Variants in PPP2R2D observed in about 807,000 individuals in gnomAD.
PPP2R2D encodes the protein serine/threonine-protein phosphatase 2A 55 kDa regulatory subunit B delta isoform.
In PPP2R2D, 9 loss-of-function variants were observed where a neutral mutation model predicts 31.1. That is an observed-to-expected ratio of 0.29 (90% CI 0.17 to 0.51). The LOEUF is 0.51. PPP2R2D is among the 20% of genes least tolerant of loss of function. The pLI is 0.98. For synonymous variants in PPP2R2D, 179 were observed against 172.6 expected (o/e 1.04, Z -0.29); for missense variants, 391 against 465.6 (o/e 0.84, Z 1.48).
At chr10:131,943,381 T>C (rs2119877679) in intron 5 of PPP2R2D, among the ~76,000 whole-genome samples, 1 of 152,254 alleles carries the variant, frequency 6.6e-6, no homozygotes, top group South Asian at 2.1e-4. Context: ...ACATCTGCCC[T>C]ATAAGTGACC....
intron 2 of PPP2R2D, among the ~76,000 whole-genome samples, chr10:131,927,669 C>G (rs561671039): frequency 7.9e-5 from 12 of 152,306 alleles, no homozygotes; most frequent in Non-Finnish European, 1.8e-4. Flanking sequence ...GCTCCTACCC[C>G]AGCTGGCATC....
the PPP2R2D span, among the ~76,000 whole-genome samples, chr10:131,965,042 A>G: frequency 9.8e-5 from 15 of 152,296 alleles, no homozygotes; most frequent in Middle Eastern, 3.4e-3. Flanking sequence ...CACATAAAGT[A>G]TACTATATAT....
intron 2 of PPP2R2D, among the ~76,000 whole-genome samples, chr10:131,930,453 C>T (rs2036201214): frequency 6.6e-6 from 1 of 152,266 alleles, no homozygotes; most frequent in African/African-American, 2.4e-5. Flanking sequence ...CCTCTCGCAG[C>T]AGTTTCCTGA....
At chr10:131,946,252 G>A (rs1163385117) in intron 7 of PPP2R2D, among the ~76,000 whole-genome samples, 1 of 152,202 alleles carries the variant, frequency 6.6e-6, no homozygotes, top group Non-Finnish European at 1.5e-5. Flanking sequence ...TTCTGGTTTT[G>A]TTTTTATTTT....
At position 131,956,130 on chromosome 10, in the gene PPP2R2D, G is replaced by A. The variant is rs1173542137; in HGVS notation, c.*167G>A. On this transcript the variant is annotated 3_prime_UTR_variant, in exon 9 of 9. Transcript: ENST00000455566. ...TCCGCTGGAGGCCCGGTGTGGTTCCGCCTCGGCGAGGCGCGAGACAGGCGC... is the reference window on the plus strand; with the variant it reads ...TCCGCTGGAGGCCCGGTGTGGTTCCACCTCGGCGAGGCGCGAGACAGGCGC... 4 of 1,252,486 alleles carry A rather than the reference G, an allele frequency of 3.2e-6. No individual in the cohort carries two copies. The highest frequency in any genetic ancestry group is 1.5e-5 in the African/African-American group (1 of 65,070). The allele number at this position is 1,252,486 out of a possible 1,614,324, so 77.6% of individuals were successfully genotyped here.
intron 2 of PPP2R2D, among the ~76,000 whole-genome samples, chr10:131,932,162 C>T (rs371684955): frequency 6.6e-6 from 1 of 152,174 alleles, no homozygotes; most frequent in African/African-American, 2.4e-5. Flanking sequence ...TGATGGGACC[C>T]GGATGTTGAA....
chr10:131,922,741 C>T (rs12762699), intron 2 of PPP2R2D, among the ~76,000 whole-genome samples: 36,199 of 151,886 alleles, frequency 0.24, 4,363 homozygotes, highest in South Asian at 0.28. Flanking sequence ...CTACTGCGCC[C>T]GGCCATTATC....
At chr10:131,931,132 C>T (rs1203147632) in intron 2 of PPP2R2D, among the ~76,000 whole-genome samples, 1 of 152,214 alleles carries the variant, frequency 6.6e-6, no homozygotes, top group African/African-American at 2.4e-5. Context: ...CTCTCCCCTC[C>T]ATCAGGCGGG....
At chr10:131,965,524 A>G in the PPP2R2D span, among the ~76,000 whole-genome samples, 2 of 152,144 alleles carry the variant, frequency 1.3e-5, no homozygotes, top group African/African-American at 4.8e-5. Context: ...ATTTTGGCTC[A>G]CTGCAACCTC....
chr10:131,942,464 A>C (rs1298346456), intron 5 of PPP2R2D, among the ~76,000 whole-genome samples: 1 of 152,252 alleles, frequency 6.6e-6, no homozygotes, highest in Non-Finnish European at 1.5e-5. Flanking sequence ...AACAGTTCAG[A>C]GTGGGCTATT....
the PPP2R2D span, chr10:131,971,296 C>A: frequency 3.0e-6 from 1 of 337,578 alleles, no homozygotes; most frequent in Non-Finnish European, 5.6e-6. Context: ...AGTCACGTGA[C>A]ATGAGGGCAA....
intron 2 of PPP2R2D, among the ~76,000 whole-genome samples, chr10:131,924,819 C>CTT (rs2036070965): frequency 7.2e-6 from 1 of 139,308 alleles, no homozygotes; most frequent in Non-Finnish European, 1.6e-5. Flanking sequence ...ATATTCAGGT[C>CTT]TTTAATTTTT....
the PPP2R2D span, chr10:131,971,149 C>T: frequency 1.6e-6 from 1 of 614,906 alleles, no homozygotes. Context: ...CCGGGCCGCG[C>T]CGCACTCCCG....
downstream of PPP2R2D, among the ~76,000 whole-genome samples, chr10:131,964,404 G>A (rs889156918): frequency 2.6e-5 from 4 of 151,358 alleles, no homozygotes; most frequent in East Asian, 5.9e-4. Flanking sequence ...GCACACAGCT[G>A]TTGGAGGATC....
chr10:131,931,967 A>G (rs1017692857), intron 2 of PPP2R2D, among the ~76,000 whole-genome samples: 10 of 150,270 alleles, frequency 6.7e-5, no homozygotes, highest in African/African-American at 2.5e-4. Flanking sequence ...GACTTTCTGC[A>G]TCTCTGTGCC....
intron 6 of PPP2R2D, among the ~76,000 whole-genome samples, chr10:131,944,388 G>A (rs1234616373): frequency 6.6e-6 from 1 of 151,814 alleles, no homozygotes; most frequent in Non-Finnish European, 1.5e-5. Flanking sequence ...CTGCCTGCCT[G>A]GTTTAATCAG....
At chr10:131,963,519 G>A (rs1225345740), downstream of PPP2R2D, among the ~76,000 whole-genome samples, 3 of 152,196 alleles carry the variant, frequency 2.0e-5, no homozygotes, top group East Asian at 1.9e-4. Context: ...TGTGCATGCC[G>A]TGGGGCGCCT....
In PPP2R2D at chr10:131,945,039, T is replaced by C. The variant is rs887896629; in HGVS notation, c.656-256T>C. Among the ~76,000 whole-genome samples, 5 of 152,166 alleles carry C rather than the reference T, an allele frequency of 3.3e-5. No homozygotes were observed. Among genetic ancestry groups the C allele is most frequent in the African/African-American group, 1.2e-4 (5 of 41,424 alleles). On this transcript the variant is annotated intron_variant, in intron 6 of 8. Transcript: ENST00000455566. The surrounding 1 kb of genome is among the most constrained non-coding windows in gnomAD (Gnocchi z 4.8). ...AGGGCTTTCTGTATAACATTAATAATAGCAGCAAGATGAAAGCGGTGTTCG... is the reference window on the plus strand; with the variant it reads ...AGGGCTTTCTGTATAACATTAATAACAGCAGCAAGATGAAAGCGGTGTTCG...
At chr10:131,942,238 C>T (rs1402466909) in intron 5 of PPP2R2D, among the ~76,000 whole-genome samples, 1 of 152,188 alleles carries the variant, frequency 6.6e-6, no homozygotes, top group Non-Finnish European at 1.5e-5. Context: ...CTCACGTGCT[C>T]ATTTTGGGAG....
Sources: allele counts gnomAD v4.1 joint callset (sites outside exome capture counted in the v4.1 genomes callset), GRCh38; gene constraint gnomAD v4.1.1; non-coding constraint Gnocchi (gnomAD v3.1); transcripts MANE v1.5; gene names NCBI Gene and HGNC (gene_info 2026-07-23, HGNC 2026-07-21).